The following PYGO1 variants were observed in gnomAD, a reference collection of about 807,000 sequenced individuals.
The protein encoded by PYGO1 is pygopus homolog 1.
PYGO1 carries 6 observed loss-of-function variants against 29.5 expected under a neutral mutation model. The observed-to-expected ratio is 0.20, with a 90% confidence interval of 0.11 to 0.40. PYGO1 has a LOEUF of 0.40. Ranked by LOEUF, PYGO1 falls within the 10% of genes least tolerant of loss-of-function variation. The pLI, the probability that PYGO1 is intolerant of heterozygous loss-of-function variation, is 1.00. For missense variants in PYGO1, 515 were observed against 514.9 expected (o/e 1.00, Z 0.00); for synonymous variants, 186 against 180.5 (o/e 1.03, Z -0.24).
chr15:55,568,449 T>G (rs1057514578), intron 1 of PYGO1, among the ~76,000 whole-genome samples: 2 of 151,986 alleles, frequency 1.3e-5, no homozygotes, highest in African/African-American at 4.8e-5. Context: ...GAACGTTGAT[T>G]TTGTATCTTG....
intron 1 of PYGO1, among the ~76,000 whole-genome samples, chr15:55,568,209 A>T (rs1358599931): frequency 1.2e-4 from 18 of 152,138 alleles, no homozygotes; most frequent in Non-Finnish European, 8.8e-5. Context: ...ATTCATGAGC[A>T]TAGAATGTTT....
intron 1 of PYGO1, among the ~76,000 whole-genome samples, chr15:55,570,362 A>G (rs898748931): frequency 1.3e-5 from 2 of 152,188 alleles, no homozygotes; most frequent in Non-Finnish European, 2.9e-5. Flanking sequence ...TGTTTTTAAG[A>G]AAAATTTTTT....
At chr15:55,586,579 CCT>C (rs1255982529) in intron 1 of PYGO1, among the ~76,000 whole-genome samples, 1 of 152,202 alleles carries the variant, frequency 6.6e-6, no homozygotes, top group Admixed American at 6.5e-5. Context: ...CTCCTTAGCC[CCT>C]GTCACAGGAC....
chr15:55,552,705 G>C (rs956513979), intron 1 of PYGO1, among the ~76,000 whole-genome samples: 1 of 152,098 alleles, frequency 6.6e-6, no homozygotes, highest in East Asian at 1.9e-4. Context: ...AGGGCCTTGG[G>C]TCCGATATAC....
chr15:55,557,504 T>A (rs2058911673), intron 1 of PYGO1, among the ~76,000 whole-genome samples: 2 of 152,202 alleles, frequency 1.3e-5, no homozygotes, highest in South Asian at 4.1e-4. Context: ...CGGGCCAGCA[T>A]CATCTTGATA....
At chr15:55,551,817 C>G (rs929991947) in intron 1 of PYGO1, among the ~76,000 whole-genome samples, 8 of 151,732 alleles carry the variant, frequency 5.3e-5, no homozygotes, top group Non-Finnish European at 7.4e-5. Flanking sequence ...AAAAAAAGAA[C>G]ACAGATGCAA....
At position 55,546,326 on chromosome 15, in the gene PYGO1, T is replaced by C; in HGVS notation, c.957A>G (p.Thr319=). The C allele has an allele frequency of 6.2e-7, 1 of 1,614,242 alleles. No individual in the cohort carries two copies. Among genetic ancestry groups the C allele is most frequent in the Non-Finnish European group, 8.5e-7 (1 of 1,180,034 alleles). The change falls in exon 3 of 3, where the codon ACA becomes ACG. Residue 319 remains threonine (T), a synonymous_variant. Coordinates refer to ENST00000563719, the MANE Select transcript of PYGO1 (RefSeq NM_001367806.1). Reference sequence around the variant, plus strand: ...GAAGAGAGGATTTATTGCTTTTTTCTGTGGTGCAGGCATCTGCTGCACCTC... The same window carrying C: ...GAAGAGAGGATTTATTGCTTTTTTCCGTGGTGCAGGCATCTGCTGCACCTC... ...QPRGAADACT[T]EKSNKSSLHP... is the part of the protein sequence containing the mutation.
chr15:55,567,888 T>A (rs1211763399), intron 1 of PYGO1, among the ~76,000 whole-genome samples: 1 of 152,204 alleles, frequency 6.6e-6, no homozygotes, highest in Admixed American at 6.5e-5. Flanking sequence ...TTGTCAAATA[T>A]CAGATGGCTA....
At chr15:55,587,741 C>T (rs555237819) in intron 1 of PYGO1, 94 bp downstream of exon 1, 2 of 1,376,754 alleles carry the variant, frequency 1.5e-6, no homozygotes, top group Non-Finnish European at 1.9e-6. Context: ...GACTTAGGCC[C>T]GGACAGAGCC....
chr15:55,574,270 C>T (rs147210373), intron 1 of PYGO1, among the ~76,000 whole-genome samples: 84 of 152,312 alleles, frequency 5.5e-4, no homozygotes, highest in African/African-American at 1.9e-3. Flanking sequence ...TTTGACCTCA[C>T]CACAATAGCA....
intron 1 of PYGO1, among the ~76,000 whole-genome samples, chr15:55,586,624 A>G (rs1391864148): frequency 6.6e-6 from 1 of 152,130 alleles, no homozygotes; most frequent in Non-Finnish European, 1.5e-5. Context: ...CAGTTACAAT[A>G]GCTTCTTTGC....
At chr15:55,560,552 A>G (rs1773116098) in intron 1 of PYGO1, among the ~76,000 whole-genome samples, 1 of 152,240 alleles carries the variant, frequency 6.6e-6, no homozygotes, top group African/African-American at 2.4e-5. Context: ...ATGGAAAAAC[A>G]TTCCATCCTC....
At chr15:55,571,328 T>C (rs951542144) in intron 1 of PYGO1, among the ~76,000 whole-genome samples, 1 of 152,170 alleles carries the variant, frequency 6.6e-6, no homozygotes, top group South Asian at 2.1e-4. Flanking sequence ...AACATACATG[T>C]TATAATACCT....
At chr15:55,579,959 C>G (rs968513095) in intron 1 of PYGO1, among the ~76,000 whole-genome samples, 8 of 152,116 alleles carry the variant, frequency 5.3e-5, no homozygotes, top group African/African-American at 1.4e-4. Flanking sequence ...TAACATTTCC[C>G]TCTGTAAAAC....
Position 55,539,277 on chromosome 15 carries a change from C to T in PYGO1, c.*6746G>A, listed in dbSNP as rs1375713241. 6.6e-6 allele frequency: 1 copy of T among 152,074 alleles called. No homozygotes were observed. Among genetic ancestry groups the T allele is most frequent in the Non-Finnish European group, 1.5e-5 (1 of 67,974 alleles). The allele number at this position is 152,074 out of a possible 1,614,324, so 9.4% of individuals were successfully genotyped here. On this transcript the variant is annotated 3_prime_UTR_variant, in exon 3 of 3. Coordinates refer to ENST00000563719, the MANE Select transcript of PYGO1 (RefSeq NM_001367806.1). ...TCTCAAAAAGAAAAAGGAGAATTGG[C>T]TTACCATTATTTAAGTAGTTACTAT... is the stretch of plus-strand genomic sequence containing the variant.
intron 1 of PYGO1, among the ~76,000 whole-genome samples, chr15:55,580,601 T>C (rs565783429): frequency 2.6e-5 from 4 of 152,332 alleles, no homozygotes; most frequent in African/African-American, 4.8e-5. Flanking sequence ...AGGAAACTGA[T>C]GCAGAGATGT....
chr15:55,566,348 T>C (rs1052451623), intron 1 of PYGO1, among the ~76,000 whole-genome samples: 5 of 151,952 alleles, frequency 3.3e-5, no homozygotes, highest in African/African-American at 1.2e-4. Context: ...CTATGTTAAT[T>C]TGCTTAGGAT....
intron 1 of PYGO1, among the ~76,000 whole-genome samples, chr15:55,587,031 T>G (rs2059049774): frequency 6.6e-6 from 1 of 152,244 alleles, no homozygotes; most frequent in South Asian, 2.1e-4. Flanking sequence ...AATAAATATT[T>G]GCTTAATGAA....
chr15:55,548,851 C>A, intron 2 of PYGO1, 59 bp downstream of exon 2: 1 of 1,374,662 alleles, frequency 7.3e-7, no homozygotes, highest in South Asian at 1.3e-5. Context: ...TCAAATTTAC[C>A]TCATCAGCCT....
Sources: gnomAD v4.1 joint callset for allele counts (sites outside exome capture counted in the v4.1 genomes callset) on GRCh38, gnomAD v4.1.1 for gene constraint, MANE v1.5 for transcripts, NCBI Gene and HGNC (gene_info 2026-07-23, HGNC 2026-07-21) for gene names.